The following MLXIP variants were observed in gnomAD, a reference collection of about 807,000 sequenced individuals.
The protein encoded by MLXIP is MLX-interacting protein.
A neutral mutation model predicts 87.2 loss-of-function variants in MLXIP; 30 were observed. The observed-to-expected ratio is 0.34, with a 90% CI of 0.26 to 0.47. MLXIP has a LOEUF of 0.47. MLXIP is among the 20% of genes least tolerant of loss of function. MLXIP has a pLI of 1.00. For missense variants in MLXIP, 1,002 were observed against 1,240.1 expected, an observed-to-expected ratio of 0.81 and a Z score of 2.88; for synonymous variants, 530 against 514.0, an observed-to-expected ratio of 1.03 and a Z score of -0.42.
chr12:122,084,477 G>A (rs144497375), intron 1 of MLXIP, among the ~76,000 whole-genome samples: 4,422 of 152,168 alleles, frequency 0.029, 85 homozygotes, highest in Middle Eastern at 0.071. Context: ...GTTATTTTCC[G>A]GGTGGAAGAA....
At chr12:122,112,874 A>G (rs1338738163) in intron 1 of MLXIP, among the ~76,000 whole-genome samples, 1 of 152,198 alleles carries the variant, frequency 6.6e-6, no homozygotes, top group East Asian at 1.9e-4. Context: ...TGAATGTAAC[A>G]AGGGAAGCCG....
At chr12:122,105,796 T>A (rs1360072344) in intron 1 of MLXIP, among the ~76,000 whole-genome samples, 1 of 151,906 alleles carries the variant, frequency 6.6e-6, no homozygotes, top group East Asian at 1.9e-4. Flanking sequence ...AAAAAAAACT[T>A]CCCTTTTATA....
chr12:122,078,765 G>GCGGGCCGGGC lies in MLXIP; in HGVS notation c.-80_-71dup, dbSNP rs147535188. 1 of 1,005,138 alleles carries GCGGGCCGGGC rather than the reference G, an allele frequency of 9.9e-7. No homozygotes were observed. The highest frequency in any genetic ancestry group is 1.8e-5 in the African/African-American group (1 of 56,840). 62.3% of individuals were successfully genotyped at this position (1,005,138 alleles called of 1,614,324 possible). On this transcript the variant is annotated 5_prime_UTR_variant, in exon 1 of 17. Transcript: ENST00000319080. ...CCGCGCGCTCGCGGACAGTCGGCGCGCGGGCCGGGCCGGGCCGGCGCCCCT... is the reference window on the plus strand; with the variant it reads ...CCGCGCGCTCGCGGACAGTCGGCGCGCGGGCCGGGCCGGGCCGGGCCGGGCCGGCGCCCCT...
intron 1 of MLXIP, among the ~76,000 whole-genome samples, chr12:122,096,054 C>A (rs1026509278): frequency 6.6e-6 from 1 of 151,326 alleles, no homozygotes; most frequent in South Asian, 2.1e-4. Context: ...TGTGAACATC[C>A]CTCCAAGCCA....
rs958665399 is a variant in MLXIP at position 122,114,939 on chromosome 12, G to T, written c.414-12317G>T. Among the ~76,000 whole-genome samples, 4 of 151,676 alleles carry T rather than the reference G, an allele frequency of 2.6e-5. No homozygotes were observed. The South Asian group carries it at 8.3e-4, about 32-fold the overall frequency. On this transcript the variant is annotated intron_variant, in intron 1 of 16. Transcript: ENST00000319080. ...TTTTTTTATTTTTAGTAGAGATGGG[G>T]TTTCATCATGTTGGCCAGGCTGGTC...
Position 122,137,344 on chromosome 12 carries a change from G to C in MLXIP, c.2033-125G>C. On this transcript the variant is annotated intron_variant, in intron 11 of 16. Transcript: ENST00000319080. The surrounding 1 kb of genome is among the most constrained non-coding windows in gnomAD (Gnocchi z 4.1). Reference sequence around the variant, plus strand: ...TCTAAGGAAGCATGTGTGTGCAGTTGAAAGAACCAAGTGCAATACGTGGCT... The same window carrying C: ...TCTAAGGAAGCATGTGTGTGCAGTTCAAAGAACCAAGTGCAATACGTGGCT... 1 of 1,046,966 alleles carries C rather than the reference G, an allele frequency of 9.6e-7. No individual in the cohort carries two copies. Among genetic ancestry groups the C allele is most frequent in the Non-Finnish European group, 1.3e-6 (1 of 748,078 alleles). 64.9% of individuals were successfully genotyped at this position (1,046,966 alleles called of 1,614,324 possible). A position where few individuals can be genotyped will look rare whatever the true frequency, so the allele number is the denominator to read the frequency against.
At chr12:122,091,945 G>A (rs1382575441) in intron 1 of MLXIP, among the ~76,000 whole-genome samples, 1 of 152,186 alleles carries the variant, frequency 6.6e-6, no homozygotes, top group African/African-American at 2.4e-5. Flanking sequence ...GTATTCTGGG[G>A]TTGTGAGTTT....
rs748082951 is a variant in MLXIP at position 122,138,857 on chromosome 12, C to A, written c.2427C>A (p.Thr809=). The A allele has an allele frequency of 2.9e-5, 46 of 1,613,918 alleles. No individual in the cohort carries two copies. The highest frequency in any genetic ancestry group is 3.8e-5 in the Non-Finnish European group (45 of 1,179,892). ...TCCCTGCCACGGGAGTCCCCGTTAC[C>A]CGGCGCCAGTTTGATCACATGAAAG... ...QLLPATGVPV[T]RRQFDHMKDM... The change falls in exon 15 of 17, where the codon ACC becomes ACA. Residue 809 remains threonine, a synonymous_variant. Transcript: ENST00000319080.
Position 122,141,971 on chromosome 12 carries a change from A to G in MLXIP, c.*159A>G. 1.7e-6 allele frequency: 2 copies of G among 1,187,328 alleles called. No individual in the cohort carries two copies. The highest frequency in any genetic ancestry group is 2.3e-6 in the Non-Finnish European group (2 of 856,758). 73.5% of individuals were successfully genotyped at this position (1,187,328 alleles called of 1,614,324 possible). ...ATCGGGAGGCCATGCTCAGGTCTGA[A>G]GCAGGTTTGGGGCCTGCTGACAGCA... On this transcript the variant is annotated 3_prime_UTR_variant, in exon 17 of 17. Transcript: ENST00000319080.
At chr12:122,106,126 T>C (rs1952516171) in intron 1 of MLXIP, among the ~76,000 whole-genome samples, 1 of 152,204 alleles carries the variant, frequency 6.6e-6, no homozygotes, top group Non-Finnish European at 1.5e-5. Flanking sequence ...TCCTCTGTCT[T>C]CAAAGCTGCA....
In MLXIP at chr12:122,130,844, C is replaced by T; in HGVS notation, c.911C>T (p.Ala304Val). 1 of 1,610,284 alleles carries T rather than the reference C, an allele frequency of 6.2e-7. No homozygotes were observed. Among genetic ancestry groups the T allele is most frequent in the Non-Finnish European group, 8.5e-7 (1 of 1,176,640 alleles). ...GTTCCTCTCTCTGTGATTCTTGCAG[C>T]ACATCTGGGAAATGCAGACATGATC... is the stretch of plus-strand genomic sequence containing the variant. ...PVAWPNPREI[A>V]HLGNADMIQP... The change falls in exon 7 of 17, where the codon GCA becomes GTA. Residue 304 changes from alanine (A) to valine (V), a missense_variant and splice_region_variant. Transcript: ENST00000319080.
At chr12:122,106,213 G>T (rs1478868980) in intron 1 of MLXIP, among the ~76,000 whole-genome samples, 1 of 151,596 alleles carries the variant, frequency 6.6e-6, no homozygotes. Context: ...TCTGGAGAAG[G>T]CCTCCTGATT....
Position 122,097,857 on chromosome 12 carries a change from A to C in MLXIP, c.413+18591A>C, listed in dbSNP as rs1448742238. 6.2e-3 allele frequency among the ~76,000 whole-genome samples: 770 copies of C among 124,538 alleles called. 9 individuals carry two copies. Among genetic ancestry groups the C allele is most frequent in the African/African-American group, 0.021 (702 of 32,974 alleles). 81.7% of individuals were successfully genotyped at this position (124,538 alleles called of 152,430 possible). On this transcript the variant is annotated intron_variant, in intron 1 of 16. Coordinates refer to ENST00000319080, the MANE Select transcript of MLXIP (RefSeq NM_014938.6). ...TGGAATCCATGGGTTCCCCCTCCCC[A>C]CAAGAAACCTTGGCAGAAGGCTTTG...
chr12:122,079,005 G>T lies in MLXIP; in HGVS notation c.152G>T (p.Arg51Leu). ...PPASGAATPA[R>L]AHASAAPPPP... ...GCCTCCGGCGCGGCCACCCCGGCCC[G>T]GGCCCACGCGAGCGCCGCGCCACCG... The change falls in exon 1 of 17, where the codon CGG (arginine) becomes CTG (leucine). Residue 51 changes from arginine to leucine, a missense_variant. Physicochemically the swap from Arg to Leu is moderately radical, Grantham distance 102. Around this residue, in one of 3 missense-constraint regions of MLXIP, gnomAD observed 129 missense variants for 104.2 expected, o/e 1.24. Transcript: ENST00000319080. 1.7e-6 allele frequency: 2 copies of T among 1,196,206 alleles called. No individual in the cohort carries two copies. Among genetic ancestry groups the T allele is most frequent in the Non-Finnish European group, 2.1e-6 (2 of 964,498 alleles). 74.1% of individuals were successfully genotyped at this position (1,196,206 alleles called of 1,614,324 possible).
chr12:122,103,624 A>G (rs1485052460), intron 1 of MLXIP, among the ~76,000 whole-genome samples: 1 of 150,084 alleles, frequency 6.7e-6, no homozygotes, highest in Non-Finnish European at 1.5e-5. Flanking sequence ...TGGTTGAAGC[A>G]GTTCTCTGCC....
At chr12:122,103,195 GTATGTATTTATT>G (rs1359785912) in intron 1 of MLXIP, among the ~76,000 whole-genome samples, 18 of 77,848 alleles carry the variant, frequency 2.3e-4, no homozygotes, top group Admixed American at 4.4e-4. Context: ...ATGTATGTAT[GTATGTATTTATT>G]TATTTATTTA....
intron 1 of MLXIP, among the ~76,000 whole-genome samples, chr12:122,119,613 G>C (rs28401575): frequency 0.51 from 76,778 of 152,000 alleles, 19,891 homozygotes; most frequent in Middle Eastern, 0.64. Context: ...GGATGGTCTC[G>C]ATCTCCTGAC....
chr12:122,127,036 C>T (rs1196324123), intron 1 of MLXIP, among the ~76,000 whole-genome samples: 4 of 152,160 alleles, frequency 2.6e-5, no homozygotes, highest in East Asian at 1.9e-4. Flanking sequence ...AAAACCCCCA[C>T]GGCCAGTCCT....
At chr12:122,099,499 G>C (rs529145617) in intron 1 of MLXIP, among the ~76,000 whole-genome samples, 6 of 152,354 alleles carry the variant, frequency 3.9e-5, no homozygotes, top group African/African-American at 1.4e-4. Context: ...CCAGACATGA[G>C]ACCGCCTGCT....
Sources: gnomAD v4.1 joint callset for allele counts (sites outside exome capture counted in the v4.1 genomes callset) on GRCh38, gnomAD v4.1.1 for gene constraint, gnomAD v4.1.1 regional missense constraint, Gnocchi (gnomAD v3.1) non-coding constraint, MANE v1.5 for transcripts, NCBI Gene and HGNC (gene_info 2026-07-23, HGNC 2026-07-21) for gene names.